Variants in POR observed in about 807,000 individuals in gnomAD.
POR encodes the protein cytochrome p450 oxidoreductase, also known as NADPH--cytochrome P450 reductase.
Under a neutral mutation model 84.0 loss-of-function variants are expected in POR, and 56 were observed. That is an observed-to-expected ratio of 0.67 (90% CI 0.54 to 0.83). The LOEUF (loss-of-function observed/expected upper bound fraction) is 0.83, where lower values mean the gene tolerates loss of function less well. POR is among the 40% of genes least tolerant of loss of function. The pLI is 0.00. For missense variants in POR, 938 were observed against 944.3 expected (o/e 0.99, Z 0.09); for synonymous variants, 414 against 400.5 (o/e 1.03, Z -0.40).
At chr7:75,965,811 G>A (rs1788154851) in intron 2 of POR, among the ~76,000 whole-genome samples, 1 of 152,196 alleles carries the variant, frequency 6.6e-6, no homozygotes, top group South Asian at 2.1e-4. Flanking sequence ...GGAGGACATG[G>A]TCGGGGGGAA....
chr7:75,966,141 T>C (rs1788171144), intron 2 of POR, among the ~76,000 whole-genome samples: 1 of 152,194 alleles, frequency 6.6e-6, no homozygotes, highest in Non-Finnish European at 1.5e-5. Flanking sequence ...GAAAGCTTCT[T>C]GAATGCTAGC....
At chr7:75,965,174 A>G (rs1011532800) in intron 2 of POR, among the ~76,000 whole-genome samples, 1 of 152,216 alleles carries the variant, frequency 6.6e-6, no homozygotes, top group Non-Finnish European at 1.5e-5. Context: ...AAGCAGGAAG[A>G]TGGGCCAGGA....
chr7:75,940,499 TCGTGGCCGGGTG>T (rs1807926001), intron 1 of POR, among the ~76,000 whole-genome samples: 1 of 151,648 alleles, frequency 6.6e-6, no homozygotes, highest in Non-Finnish European at 1.5e-5. Context: ...GTAGGCACTC[TCGTGGCCGGGTG>T]CAGTGGCTCA....
At chr7:75,964,100 A>G (rs1554554864) in intron 2 of POR, among the ~76,000 whole-genome samples, 1 of 151,344 alleles carries the variant, frequency 6.6e-6, no homozygotes, top group South Asian at 2.1e-4. Context: ...CCTGGGTCCA[A>G]GTGATTCTCC....
At position 75,985,122 on chromosome 7, in the gene POR, C is replaced by A. The variant is rs1554558902; in HGVS notation, c.1313C>A (p.Pro438Gln). The change falls in exon 12 of 16, where the codon CCG (proline) becomes CAG (glutamine). Residue 438 changes from proline to glutamine, a missense_variant. Transcript: ENST00000461988. ...ATCCTGGCCATCCTGCAGGACTGCC[C>A]GTCCCTGCGGCCCCCCATCGACCAC... The A allele has an allele frequency of 6.2e-7, 1 of 1,600,112 alleles. No individual in the cohort carries two copies. The highest frequency in any genetic ancestry group is 8.5e-7 in the Non-Finnish European group (1 of 1,179,588).
At chr7:75,964,299 C>G (rs1400753518) in intron 2 of POR, among the ~76,000 whole-genome samples, 1 of 152,150 alleles carries the variant, frequency 6.6e-6, no homozygotes, top group Non-Finnish European at 1.5e-5. Context: ...CATGCCCAGC[C>G]TAAGCATTTT....
intron 1 of POR, among the ~76,000 whole-genome samples, chr7:75,932,752 G>A (rs2116284520): frequency 6.6e-6 from 1 of 152,164 alleles, no homozygotes; most frequent in East Asian, 1.9e-4. Flanking sequence ...GGGCACGGTG[G>A]CTCACACCTG....
intron 2 of POR, among the ~76,000 whole-genome samples, chr7:75,961,030 C>A (rs868946159): frequency 1.3e-5 from 2 of 152,058 alleles, no homozygotes; most frequent in African/African-American, 4.8e-5. Context: ...GCCAGGAGTT[C>A]AAGACCAGCC....
chr7:75,977,735 G>A (rs948478658), intron 3 of POR, among the ~76,000 whole-genome samples: 4 of 152,184 alleles, frequency 2.6e-5, no homozygotes, highest in African/African-American at 9.7e-5. Flanking sequence ...CTGAGATCGT[G>A]CCATTACACT....
intron 2 of POR, chr7:75,967,751 G>C (rs1430094055): frequency 8.2e-6 from 2 of 243,910 alleles, no homozygotes; most frequent in African/African-American, 4.4e-5. Flanking sequence ...TCCTTCCCTC[G>C]GTCCATACAG....
chr7:75,982,395 G>A, intron 8 of POR, 73 bp downstream of exon 8: 1 of 1,255,254 alleles, frequency 8.0e-7, no homozygotes, highest in Non-Finnish European at 1.1e-6. Flanking sequence ...AGTCTGCCGT[G>A]TATCCCCATA....
At chr7:75,984,568 G>T (rs1554558714) in intron 10 of POR, among the ~76,000 whole-genome samples, 1 of 152,224 alleles carries the variant, frequency 6.6e-6, no homozygotes, top group Admixed American at 6.5e-5. Context: ...GCAGGGTCCT[G>T]CCTCTGATGA....
At position 75,940,656 on chromosome 7, in the gene POR, C is replaced by T. The variant is rs186590489; in HGVS notation, c.-4-13333C>T. Among the ~76,000 whole-genome samples, 354 of 151,768 alleles carry T rather than the reference C, an allele frequency of 2.3e-3. 1 individual carries two copies. Among genetic ancestry groups the T allele is most frequent in the African/African-American group, 8.1e-3 (334 of 41,400 alleles). On this transcript the variant is annotated intron_variant, in intron 1 of 15. Coordinates refer to ENST00000461988, the MANE Select transcript of POR (RefSeq NM_000941.3). The stretch of plus-strand genomic sequence containing the variant: ...AAAATTAGCCGGGTGTGGTGGCAGG[C>T]GCCTGTAGTCCCAGCTACTCAGGAG...
intron 1 of POR, among the ~76,000 whole-genome samples, chr7:75,952,674 A>T (rs1447451937): frequency 7.8e-6 from 1 of 128,024 alleles, no homozygotes; most frequent in Non-Finnish European, 1.7e-5. Context: ...CGCTCCTCAC[A>T]TCCCAGACGG....
At chr7:75,936,078 CTTTCTTTCTTTTT>C (rs1415776203) in intron 1 of POR, among the ~76,000 whole-genome samples, 144 of 138,236 alleles carry the variant, frequency 1.0e-3, no homozygotes, top group South Asian at 5.6e-3. Context: ...TTTACTGTTT[CTTTCTTTCTTTTT>C]TTTTTTTTTT....
At chr7:75,976,215 T>A (rs1788679335) in intron 3 of POR, among the ~76,000 whole-genome samples, 2 of 152,208 alleles carry the variant, frequency 1.3e-5, no homozygotes, top group African/African-American at 4.8e-5. Context: ...GCACTTTCTC[T>A]TCTATTAAGT....
chr7:75,926,671 G>A (rs928374264), intron 1 of POR, among the ~76,000 whole-genome samples: 7 of 152,146 alleles, frequency 4.6e-5, no homozygotes, highest in African/African-American at 1.7e-4. Context: ...GTGCATGCCT[G>A]TAATCCCAGC....
chr7:75,982,521 T>C (rs1554558264), intron 8 of POR, among the ~76,000 whole-genome samples, 199 bp downstream of exon 8: 1 of 152,220 alleles, frequency 6.6e-6, no homozygotes, highest in East Asian at 1.9e-4. Context: ...CTGAGCTCAC[T>C]TAGCCACCTT....
At chr7:75,982,045 T>C in intron 7 of POR, 179 bp from the exon 8 acceptor site, 1 of 619,460 alleles carries the variant, frequency 1.6e-6, no homozygotes. Context: ...GCCGCCTCCC[T>C]CCTTGCTCCC....
Sources: gnomAD v4.1 joint callset for allele counts (sites outside exome capture counted in the v4.1 genomes callset) on GRCh38, gnomAD v4.1.1 for gene constraint, MANE v1.5 for transcripts, NCBI Gene and HGNC (gene_info 2026-07-23, HGNC 2026-07-21) for gene names.